Variants in ARHGEF28 observed in about 807,000 individuals in gnomAD.
ARHGEF28 encodes the protein Rho guanine nucleotide exchange factor 28.
In ARHGEF28, 152 loss-of-function variants were observed where a neutral mutation model predicts 206.6. The observed-to-expected ratio is 0.74, with a 90% confidence interval of 0.64 to 0.84. The LOEUF (loss-of-function observed/expected upper bound fraction) is 0.84, where lower values mean the gene tolerates loss of function less well. Ranked by LOEUF, ARHGEF28 falls within the 40% of genes least tolerant of loss-of-function variation. The pLI, the probability that ARHGEF28 is intolerant of heterozygous loss-of-function variation, is 0.00. For synonymous variants in ARHGEF28, 763 were observed against 776.4 expected, an observed-to-expected ratio of 0.98 and a Z score of 0.29; for missense variants, 2,028 against 2,073.2, an observed-to-expected ratio of 0.98 and a Z score of 0.42.
chr5:73,904,295 G>A (rs1307063861), intron 32 of ARHGEF28, 35 bp downstream of exon 32: 1 of 1,613,300 alleles, frequency 6.2e-7, no homozygotes, highest in African/African-American at 1.3e-5. Context: ...TGTATCACCA[G>A]CCTTTATTTG....
intron 1 of ARHGEF28, among the ~76,000 whole-genome samples, chr5:73,663,891 G>A (rs551001481): frequency 7.2e-5 from 11 of 152,282 alleles, no homozygotes; most frequent in African/African-American, 1.7e-4. Flanking sequence ...ATGTAGTTAC[G>A]TTTGTGCAAG....
At chr5:73,765,422 G>A (rs1752839828) in intron 4 of ARHGEF28, among the ~76,000 whole-genome samples, 1 of 152,234 alleles carries the variant, frequency 6.6e-6, no homozygotes, top group Non-Finnish European at 1.5e-5. Flanking sequence ...ACGGCTCCCA[G>A]TCAGCCAGCC....
chr5:73,891,919 C>T, intron 26 of ARHGEF28, 133 bp from the exon 27 acceptor site: 1 of 778,046 alleles, frequency 1.3e-6, no homozygotes, highest in Non-Finnish European at 2.0e-6. Flanking sequence ...GTATCAACTT[C>T]TACAGCTCTT....
intron 21 of ARHGEF28, among the ~76,000 whole-genome samples, chr5:73,872,371 A>C (rs1365857681): frequency 6.6e-6 from 1 of 152,120 alleles, no homozygotes; most frequent in Non-Finnish European, 1.5e-5. Flanking sequence ...GATTTTTAAA[A>C]ATATACTAGA....
At chr5:73,818,121 T>C (rs1325594121) in intron 9 of ARHGEF28, among the ~76,000 whole-genome samples, 1 of 152,056 alleles carries the variant, frequency 6.6e-6, no homozygotes, top group Non-Finnish European at 1.5e-5. Context: ...TGGGAGTGCT[T>C]TCCACTGTGG....
chr5:73,918,178 C>T (rs746362918), intron 35 of ARHGEF28, among the ~76,000 whole-genome samples: 5 of 152,152 alleles, frequency 3.3e-5, no homozygotes, highest in African/African-American at 4.8e-5. Context: ...GGGGGTGGCA[C>T]GCTTTTCCTT....
chr5:73,792,281 A>C, intron 7 of ARHGEF28, among the ~76,000 whole-genome samples: 1 of 152,194 alleles, frequency 6.6e-6, no homozygotes, highest in African/African-American at 2.4e-5. Flanking sequence ...ACTGGACTAC[A>C]CGGAAAAACG....
chr5:73,865,048 T>C (rs1227030588), intron 17 of ARHGEF28, among the ~76,000 whole-genome samples, 176 bp downstream of exon 17: 1 of 152,192 alleles, frequency 6.6e-6, no homozygotes, highest in African/African-American at 2.4e-5. Flanking sequence ...CTGTTAGAAA[T>C]AGAAGGAAAG....
At chr5:73,674,722 G>A (rs949602299) in intron 1 of ARHGEF28, among the ~76,000 whole-genome samples, 1 of 152,188 alleles carries the variant, frequency 6.6e-6, no homozygotes, top group African/African-American at 2.4e-5. Flanking sequence ...CCCAACCTCT[G>A]GGGAGAAGAG....
intron 1 of ARHGEF28, among the ~76,000 whole-genome samples, chr5:73,657,616 G>T (rs1208296026): frequency 6.6e-6 from 1 of 152,014 alleles, no homozygotes; most frequent in Non-Finnish European, 1.5e-5. Context: ...TTTAACTGGG[G>T]GAGTCCTGTA....
At chr5:73,855,103 C>T (rs1454832751) in intron 14 of ARHGEF28, among the ~76,000 whole-genome samples, 3 of 152,120 alleles carry the variant, frequency 2.0e-5, no homozygotes, top group Non-Finnish European at 4.4e-5. Flanking sequence ...TTTCCAGATT[C>T]TTACAAATGT....
chr5:73,668,457 C>A (rs1746103662), intron 1 of ARHGEF28, among the ~76,000 whole-genome samples: 1 of 152,286 alleles, frequency 6.6e-6, no homozygotes, highest in South Asian at 2.1e-4. Context: ...GCCAAACCCA[C>A]TTTTATAACA....
intron 1 of ARHGEF28, among the ~76,000 whole-genome samples, chr5:73,654,531 G>A (rs1037850841): frequency 1.3e-5 from 2 of 152,178 alleles, no homozygotes; most frequent in African/African-American, 4.8e-5. Context: ...AAAGTGGGGG[G>A]ACCAGTCAGG....
At chr5:73,902,461 T>C (rs748233451) in intron 31 of ARHGEF28, 1 of 152,194 alleles carries the variant, frequency 6.6e-6, no homozygotes, top group African/African-American at 2.4e-5. Context: ...TACAGGTAGA[T>C]AATTGAGGTT....
chr5:73,904,165 G>T, intron 31 of ARHGEF28, 57 bp from the exon 32 acceptor site: 3 of 1,578,162 alleles, frequency 1.9e-6, no homozygotes, highest in South Asian at 2.2e-5. Flanking sequence ...GGACACTGCA[G>T]GGCAGCTTTT....
At chr5:73,761,488 A>C (rs1253895070) in intron 4 of ARHGEF28, among the ~76,000 whole-genome samples, 1 of 152,152 alleles carries the variant, frequency 6.6e-6, no homozygotes, top group Non-Finnish European at 1.5e-5. Flanking sequence ...GAGATGGTAC[A>C]TTCTTAGGGA....
At chr5:73,910,833 G>GT (rs957056076) in intron 34 of ARHGEF28, among the ~76,000 whole-genome samples, 1 of 151,242 alleles carries the variant, frequency 6.6e-6, no homozygotes, top group Non-Finnish European at 1.5e-5. Context: ...GTGCATGTAT[G>GT]TTTTTTTACT....
At chr5:73,866,063 A>G (rs1429875990) in intron 18 of ARHGEF28, 50 bp downstream of exon 18, 3 of 1,369,260 alleles carry the variant, frequency 2.2e-6, no homozygotes, top group African/African-American at 1.5e-5. Flanking sequence ...AATACATACT[A>G]TACATTTTTC....
chr5:73,855,918 G>A (rs1282520560), intron 14 of ARHGEF28, among the ~76,000 whole-genome samples: 2 of 151,648 alleles, frequency 1.3e-5, no homozygotes, highest in Non-Finnish European at 2.9e-5. Context: ...TAGTTTAGTT[G>A]TGTTCCTGCT....
Sources: gnomAD v4.1 joint callset for allele counts (sites outside exome capture counted in the v4.1 genomes callset) on GRCh38, gnomAD v4.1.1 for gene constraint, MANE v1.5 for transcripts, NCBI Gene and HGNC (gene_info 2026-07-23, HGNC 2026-07-21) for gene names.